GAB3: variants seen among roughly 807,000 people sequenced by gnomAD.
GAB3 encodes GRB2 associated binding protein 3, also known as GRB2-associated-binding protein 3.
Under a neutral mutation model 40.4 loss-of-function variants are expected in GAB3, and 12 were observed. The ratio of observed to expected loss-of-function variants is 0.30; its 90% CI spans 0.19 to 0.48. The LOEUF is 0.48. GAB3 is among the 20% of genes least tolerant of loss of function. GAB3 has a pLI of 0.99. For missense variants in GAB3, 381 were observed against 461.9 expected (o/e 0.82, Z 1.61); for synonymous variants, 154 against 176.7 (o/e 0.87, Z 1.02).
chrX:154,677,970 C>T lies in GAB3; in HGVS notation c.*208G>A. 3.1e-6 allele frequency: 1 copy of T among 325,052 alleles called. No homozygotes were observed. The allele number at this position is 325,052 out of a possible 1,213,427, so 26.8% of individuals were successfully genotyped here. Reference sequence around the variant, plus strand: ...TCTCAGAGCCCCCTCCGGAAGGCAACTGCTTCCTTCTTTTCTTCCTTCAAT... The same window carrying T: ...TCTCAGAGCCCCCTCCGGAAGGCAATTGCTTCCTTCTTTTCTTCCTTCAAT... On this transcript the variant is annotated 3_prime_UTR_variant, in exon 10 of 10. Coordinates refer to ENST00000424127, the MANE Select transcript of GAB3 (RefSeq NM_001081573.3).
chrX:154,734,587 A>C (rs2071338602), intron 1 of GAB3, among the ~76,000 whole-genome samples: 1 of 112,355 alleles, frequency 8.9e-6, no homozygotes, highest in South Asian at 3.7e-4. Flanking sequence ...CTGTGTTTTC[A>C]GGCACTGGGC....
At chrX:154,697,435 G>A (rs1231770410) in intron 6 of GAB3, among the ~76,000 whole-genome samples, 1 of 111,979 alleles carries the variant, frequency 8.9e-6, no homozygotes, top group Admixed American at 9.4e-5. Flanking sequence ...ACGTGGCAAG[G>A]CATTATTAAG....
chrX:154,719,337 C>T (rs1557258246), intron 1 of GAB3, among the ~76,000 whole-genome samples: 3 of 112,281 alleles, frequency 2.7e-5, no homozygotes, highest in African/African-American at 9.7e-5. Flanking sequence ...CAGACGATTG[C>T]AATCAGTGAG....
chrX:154,713,903 T>C (rs782116116), intron 2 of GAB3, among the ~76,000 whole-genome samples: 5 of 105,007 alleles, frequency 4.8e-5, no homozygotes, highest in Admixed American at 2.1e-4. Context: ...ATCTACCATG[T>C]GCCCAGAATG....
At chrX:154,699,699 C>T (rs985483224) in intron 5 of GAB3, among the ~76,000 whole-genome samples, 186 bp from the exon 6 acceptor site, 2 of 112,089 alleles carry the variant, frequency 1.8e-5, no homozygotes, top group Admixed American at 9.4e-5. Flanking sequence ...TTAGTATAGG[C>T]GATAAGTCTC....
chrX:154,751,292 G>GC (rs1450135477), upstream of GAB3, among the ~76,000 whole-genome samples: 1 of 92,279 alleles, frequency 1.1e-5, no homozygotes, highest in South Asian at 6.4e-4. Context: ...CCCGGGGGGG[G>GC]GGTGTGGGGG....
chrX:154,720,217 G>T lies in GAB3; in HGVS notation c.73-3888C>A, dbSNP rs188626238. 4.5e-5 allele frequency among the ~76,000 whole-genome samples: 5 copies of T among 111,418 alleles called. No individual in the cohort carries two copies. The Admixed American group carries it at 4.7e-4, about 11-fold the overall frequency. ...CAACAGGCTATAACATATAGCCTAG[G>T]TGTGTAGTAAGCTAGGTTTGTGTAA... is the stretch of plus-strand genomic sequence containing the variant. On this transcript the variant is annotated intron_variant, in intron 1 of 9. Coordinates refer to ENST00000424127, the MANE Select transcript of GAB3 (RefSeq NM_001081573.3).
intron 4 of GAB3, among the ~76,000 whole-genome samples, chrX:154,701,942 G>A (rs2070744871): frequency 9.0e-6 from 1 of 111,276 alleles, no homozygotes; most frequent in Non-Finnish European, 1.9e-5. Context: ...ACTACCCAAA[G>A]CAATCTACAG....
intron 4 of GAB3, among the ~76,000 whole-genome samples, chrX:154,706,921 G>A (rs868924271): frequency 2.5e-4 from 21 of 85,652 alleles, no homozygotes; most frequent in East Asian, 7.2e-4. Context: ...CCTTGTTTCT[G>A]AAAAAAAAAA....
chrX:154,691,318 AGAT>A (rs2070561694), intron 8 of GAB3, among the ~76,000 whole-genome samples: 1 of 106,267 alleles, frequency 9.4e-6, no homozygotes, highest in Non-Finnish European at 1.9e-5. Flanking sequence ...ACCTAATGCT[AGAT>A]GATGAGTTAG....
intron 8 of GAB3, among the ~76,000 whole-genome samples, chrX:154,681,224 A>G (rs1204980025): frequency 1.8e-5 from 2 of 111,891 alleles, no homozygotes; most frequent in East Asian, 5.6e-4. Context: ...GTGTATAAGA[A>G]TTTCTATTGC....
intron 3 of GAB3, among the ~76,000 whole-genome samples, chrX:154,712,934 G>C (rs1002945242): frequency 2.7e-5 from 3 of 112,404 alleles, no homozygotes; most frequent in Admixed American, 9.4e-5. Flanking sequence ...GGCTAGAAGT[G>C]AAAACCACAA....
In GAB3 at chrX:154,712,351, C is replaced by A; in HGVS notation, c.947G>T (p.Ser316Ile). 8.3e-7 allele frequency: 1 copy of A among 1,211,744 alleles called. No individual in the cohort carries two copies. The highest frequency in any genetic ancestry group is 1.1e-6 in the Non-Finnish European group (1 of 895,327). The change falls in exon 4 of 10, where the codon AGC (serine) becomes ATC (isoleucine). Residue 316 changes from serine to isoleucine, a missense_variant. Ser to Ile is a moderately radical substitution (Grantham distance 142). Transcript: ENST00000424127. ...CTCTTGGCGCCGTTCAGACAGATGG[C>A]TTGGCTTAGGGGGGCGGGGAGGTGG... Reference protein sequence around the residue: ...NTPPPRPPKPSHLSERRQEEW... With the variant: ...NTPPPRPPKPIHLSERRQEEW...
At chrX:154,679,280 G>T (rs1442883627) in intron 9 of GAB3, 1 of 337,977 alleles carries the variant, frequency 3.0e-6, no homozygotes. Flanking sequence ...CTTCAGATGG[G>T]GGCTGCTTCT....
chrX:154,713,163 T>C, intron 3 of GAB3, 44 bp downstream of exon 3: 2 of 1,083,181 alleles, frequency 1.8e-6, no homozygotes, highest in South Asian at 1.8e-5. Flanking sequence ...CTAGAGAGCA[T>C]GCTAGCAGGC....
chrX:154,738,706 T>C (rs1388232851), intron 1 of GAB3, among the ~76,000 whole-genome samples: 1 of 112,263 alleles, frequency 8.9e-6, no homozygotes. Context: ...TGATTATTTC[T>C]CTAAAATATT....
intron 4 of GAB3, among the ~76,000 whole-genome samples, chrX:154,708,031 A>C (rs2148445504): frequency 8.9e-6 from 1 of 112,141 alleles, no homozygotes; most frequent in African/African-American, 3.2e-5. Context: ...CAGATACATA[A>C]ACCAAAAGAA....
Position 154,677,178 on chromosome X carries a change from C to G in GAB3, c.*1000G>C, listed in dbSNP as rs782465312. 9.0e-6 allele frequency: 1 copy of G among 111,609 alleles called. No individual in the cohort carries two copies. Among genetic ancestry groups the G allele is most frequent in the Non-Finnish European group, 1.9e-5 (1 of 53,108 alleles). 9.2% of individuals were successfully genotyped at this position (111,609 alleles called of 1,213,427 possible). A position where few individuals can be genotyped will look rare whatever the true frequency, so the allele number is the denominator to read the frequency against. On this transcript the variant is annotated 3_prime_UTR_variant, in exon 10 of 10. Transcript: ENST00000424127. ...TGATGGGAGAGTTCCAGTTGAACAT[C>G]GCAGAAAGAAACCCTCACTTGACAT...
At chrX:154,749,599 A>G (rs1319387543) in intron 1 of GAB3, among the ~76,000 whole-genome samples, 1 of 112,677 alleles carries the variant, frequency 8.9e-6, no homozygotes, top group African/African-American at 3.2e-5. Flanking sequence ...AAAGCAAATG[A>G]TGTAGGGACA....
Sources: allele counts gnomAD v4.1 joint callset (sites outside exome capture counted in the v4.1 genomes callset), GRCh38; gene constraint gnomAD v4.1.1; transcripts MANE v1.5; gene names NCBI Gene and HGNC (gene_info 2026-07-23, HGNC 2026-07-21).